ITGA3: variants seen among roughly 807,000 people sequenced by gnomAD.
ITGA3 encodes the protein integrin subunit alpha 3.
A neutral mutation model predicts 131.1 loss-of-function variants in ITGA3; 70 were observed. That is an observed-to-expected ratio of 0.53 (90% CI 0.44 to 0.65). The LOEUF (loss-of-function observed/expected upper bound fraction) is 0.65. ITGA3 is among the 30% of genes least tolerant of loss of function. ITGA3 has a pLI of 0.00. For missense variants in ITGA3, 1,098 were observed against 1,388.6 expected (o/e 0.79, Z 3.33); for synonymous variants, 537 against 571.6 (o/e 0.94, Z 0.86).
chr17:50,056,372 A>G lies in ITGA3; in HGVS notation c.-68A>G, dbSNP rs1020196479. ...CCTCCGGCGGCGCGGGGAGCAGGTG[A>G]ACAGGTCCTCACGCCCAGCTCCGCG... On this transcript the variant is annotated 5_prime_UTR_variant, in exon 1 of 26. Transcript: ENST00000320031. This position sits in a 1 kb window ranked among gnomAD's most constrained non-coding sequence, Gnocchi z 5.6. 6.8e-6 allele frequency: 8 copies of G among 1,177,788 alleles called. No homozygotes were observed. Among genetic ancestry groups the G allele is most frequent in the Middle Eastern group, 3.0e-4 (1 of 3,358 alleles). The allele number at this position is 1,177,788 out of a possible 1,614,324, so 73.0% of individuals were successfully genotyped here. A position where few individuals can be genotyped will look rare whatever the true frequency, so the allele number is the denominator to read the frequency against.
At chr17:50,062,322 C>G (rs2144259910) in intron 1 of ITGA3, among the ~76,000 whole-genome samples, 1 of 152,320 alleles carries the variant, frequency 6.6e-6, no homozygotes, top group South Asian at 2.1e-4. Context: ...ACCCTAGACC[C>G]AGGTCCGTGG....
chr17:50,076,396 A>G lies in ITGA3; in HGVS notation c.1745A>G (p.Asp582Gly), dbSNP rs1309325691. 5.0e-6 allele frequency: 8 copies of G among 1,612,962 alleles called. No homozygotes were observed. The highest frequency in any genetic ancestry group is 1.7e-5 in the Admixed American group (1 of 60,000). ...MNYSLPLRMP[D>G]RPRLGLRSLD... is the part of the protein sequence containing the mutation. ...TACTCTTTACCTTTGCGGATGCCCG[A>G]TCGCCCCCGGCTGGGGCTGCGGTCC... Residue 582 changes from aspartate to glycine, a missense_variant, in exon 13 of 26, where the codon GAT becomes GGT. By Grantham distance (94) the Asp-to-Gly change is moderately conservative. Coordinates refer to ENST00000320031, the MANE Select transcript of ITGA3 (RefSeq NM_002204.4).
In ITGA3 at chr17:50,089,417, G is replaced by A. The variant is rs1372238528; in HGVS notation, c.*339G>A. On this transcript the variant is annotated 3_prime_UTR_variant, in exon 26 of 26. Coordinates refer to ENST00000320031, the MANE Select transcript of ITGA3 (RefSeq NM_002204.4). Reference sequence around the variant, plus strand: ...ACCTCGTCAAGAGCATGCACATGCTGTCTGGCCCTGGGGATCTTCCCACAG... The same window carrying A: ...ACCTCGTCAAGAGCATGCACATGCTATCTGGCCCTGGGGATCTTCCCACAG... 2 of 642,418 alleles carry A rather than the reference G, an allele frequency of 3.1e-6. No individual in the cohort carries two copies. The highest frequency in any genetic ancestry group is 1.8e-5 in the South Asian group (1 of 54,766). 39.8% of individuals were successfully genotyped at this position (642,418 alleles called of 1,614,324 possible). A position where few individuals can be genotyped will look rare whatever the true frequency, so the allele number is the denominator to read the frequency against.
chr17:50,082,196 T>G (rs1342957173), intron 23 of ITGA3, among the ~76,000 whole-genome samples: 1 of 152,036 alleles, frequency 6.6e-6, no homozygotes, highest in Non-Finnish European at 1.5e-5. Context: ...ATTTATTTAT[T>G]TATTTTTTGA....
rs1175095945 is a variant in ITGA3 at position 50,056,902 on chromosome 17, G to A, written c.206+257G>A. ...CTTTAGATCTCTCATGAGAGCGGAA[G>A]TGGGGTCCCGGTGGCTGAGTCCTCT... On this transcript the variant is annotated intron_variant, in intron 1 of 25. Transcript: ENST00000320031. The surrounding 1 kb of genome is among the most constrained non-coding windows in gnomAD (Gnocchi z 5.6). Among the ~76,000 whole-genome samples, 4 of 152,216 alleles carry A rather than the reference G, an allele frequency of 2.6e-5. No individual in the cohort carries two copies. The East Asian group carries it at 7.7e-4, about 29-fold the overall frequency.
chr17:50,060,691 C>A (rs1180680442), intron 1 of ITGA3, among the ~76,000 whole-genome samples: 2 of 152,078 alleles, frequency 1.3e-5, no homozygotes, highest in African/African-American at 2.4e-5. Flanking sequence ...CCAGTCCAGC[C>A]TGACTCCAGG....
chr17:50,080,277 C>T lies in ITGA3; in HGVS notation c.2722C>T (p.Arg908Cys), dbSNP rs1272394380. 9 of 1,610,290 alleles carry T rather than the reference C, an allele frequency of 5.6e-6. No individual in the cohort carries two copies. The highest frequency in any genetic ancestry group is 4.0e-5 in the African/African-American group (3 of 74,888). Residue 908 changes from arginine (R) to cysteine (C), a missense_variant, in exon 22 of 26, where the codon CGT becomes TGT. Arg to Cys is a radical substitution (Grantham distance 180). Coordinates refer to ENST00000320031, the MANE Select transcript of ITGA3 (RefSeq NM_002204.4). Reference sequence around the variant, plus strand: ...CCCGCCTCAGACCTGTGCCACAGGGCGTGCCCACTGTGTGTGGCTAGAGTG... The same window carrying T: ...CCCGCCTCAGACCTGTGCCACAGGGTGTGCCCACTGTGTGTGGCTAGAGTG... Reference protein sequence around the residue: ...SETVLTCATGRAHCVWLECPI... With the variant: ...SETVLTCATGCAHCVWLECPI...
rs181578395 is a variant in ITGA3, at chr17:50,090,378, C to T, written c.*1300C>T. 1.6e-5 allele frequency: 6 copies of T among 385,720 alleles called. No homozygotes were observed. The highest frequency in any genetic ancestry group is 3.3e-5 in the Non-Finnish European group (6 of 184,558). The allele number at this position is 385,720 out of a possible 1,614,324, so 23.9% of individuals were successfully genotyped here. A position where few individuals can be genotyped will look rare whatever the true frequency, so the allele number is the denominator to read the frequency against. On this transcript the variant is annotated 3_prime_UTR_variant, in exon 26 of 26. Coordinates refer to ENST00000320031, the MANE Select transcript of ITGA3 (RefSeq NM_002204.4). ...TGTTGGCAGGCCCACTCCCCAGCCC[C>T]AGCCCCTTCCATGGTACTGTAGCAG...
rs375791394 is a variant in ITGA3 at position 50,087,737 on chromosome 17, G to T, written c.2920-7G>T. 4.0e-4 allele frequency: 645 copies of T among 1,611,090 alleles called. No homozygotes were observed. The highest frequency in any genetic ancestry group is 6.8e-4 in the Middle Eastern group (4 of 5,916). On this transcript the variant is annotated splice_region_variant and splice_polypyrimidine_tract_variant and intron_variant, in intron 23 of 25. Coordinates refer to ENST00000320031, the MANE Select transcript of ITGA3 (RefSeq NM_002204.4). ...CACAGGGCTGAGTCCTCCTCTCCCC[G>T]CTCCAGTTCTCTGTGGACATTGACT...
At chr17:50,061,170 G>C (rs1030276403) in intron 1 of ITGA3, among the ~76,000 whole-genome samples, 1 of 152,202 alleles carries the variant, frequency 6.6e-6, no homozygotes, top group African/African-American at 2.4e-5. Context: ...TCTGAGGAGG[G>C]AGGGGCCTGG....
chr17:50,071,396 C>T lies in ITGA3; in HGVS notation c.837C>T (p.Gly279=), dbSNP rs145459787. Residue 279 remains glycine, a synonymous_variant, in exon 6 of 26, where the codon GGC becomes GGT. Coordinates refer to ENST00000320031, the MANE Select transcript of ITGA3 (RefSeq NM_002204.4). ...GTGCCCCACGGCACCGACATATGGGCGCGGTGTTCTTGCTGAGCCAGGAGG... is the reference window on the plus strand; with the variant it reads ...GTGCCCCACGGCACCGACATATGGGTGCGGTGTTCTTGCTGAGCCAGGAGG... The part of the protein sequence containing the change: ...VTGAPRHRHM[G]AVFLLSQEAG... 2.1e-4 allele frequency: 342 copies of T among 1,614,190 alleles called. 1 individual carries two copies. The African/African-American group carries it at 4.1e-3, about 19-fold the overall frequency.
intron 3 of ITGA3, among the ~76,000 whole-genome samples, chr17:50,066,524 G>C (rs1214293297): frequency 6.6e-6 from 1 of 152,000 alleles, no homozygotes; most frequent in East Asian, 1.9e-4. Flanking sequence ...AGGCTCGGTG[G>C]CTCATTCCTT....
chr17:50,080,451 G>T, intron 22 of ITGA3, 76 bp downstream of exon 22: 1 of 757,078 alleles, frequency 1.3e-6, no homozygotes, highest in Non-Finnish European at 2.2e-6. Flanking sequence ...GCGAGTCCAG[G>T]GTCATAGCAT....
rs1908594211 is a variant in ITGA3, at chr17:50,070,896, C to T, written c.717C>T (p.Tyr239=). The change falls in exon 5 of 26, where the codon TAC becomes TAT. Residue 239 remains tyrosine, a synonymous_variant. Coordinates refer to ENST00000320031, the MANE Select transcript of ITGA3 (RefSeq NM_002204.4). The part of the protein sequence containing the change: ...RKEWDLSEYS[Y]KDPEDQGNLY... ...AGTGGGACTTATCTGAGTATAGTTA[C>T]AAGGACCCAGAGGACCAAGGAAACC... is the stretch of plus-strand genomic sequence containing the variant. 1 of 1,611,950 alleles carries T rather than the reference C, an allele frequency of 6.2e-7. No individual in the cohort carries two copies. Among genetic ancestry groups the T allele is most frequent in the Admixed American group, 1.7e-5 (1 of 59,968 alleles).
chr17:50,060,697 C>G (rs1268154200), intron 1 of ITGA3, among the ~76,000 whole-genome samples: 1 of 152,050 alleles, frequency 6.6e-6, no homozygotes, highest in Non-Finnish European at 1.5e-5. Flanking sequence ...CAGCCTGACT[C>G]CAGGAGAGGG....
At chr17:50,065,210 T>G (rs1289364508) in intron 3 of ITGA3, 2 of 152,322 alleles carry the variant, frequency 1.3e-5, no homozygotes, top group Non-Finnish European at 2.9e-5. Flanking sequence ...AGAAGAGTTC[T>G]GGTTAAGGCT....
intron 7 of ITGA3, among the ~76,000 whole-genome samples, chr17:50,073,593 AACACAC>A (rs71146961): frequency 0.28 from 39,708 of 144,078 alleles, 6,468 homozygotes; most frequent in Non-Finnish European, 0.38. Flanking sequence ...ACTGTCTATA[AACACAC>A]ACACACACAC....
chr17:50,079,363 C>A (rs1358998920), intron 20 of ITGA3, 72 bp from the exon 21 acceptor site: 2 of 1,553,632 alleles, frequency 1.3e-6, no homozygotes, highest in Non-Finnish European at 1.7e-6. Flanking sequence ...TCTCTCCTAC[C>A]CTTTCCTTTC....
At chr17:50,068,893 G>C (rs1392764676) in intron 4 of ITGA3, among the ~76,000 whole-genome samples, 5 of 150,556 alleles carry the variant, frequency 3.3e-5, no homozygotes, top group Non-Finnish European at 1.5e-5. Context: ...TGTCACCCAG[G>C]CTGGAGTGCA....
Sources: allele counts gnomAD v4.1 joint callset (sites outside exome capture counted in the v4.1 genomes callset), GRCh38; gene constraint gnomAD v4.1.1; non-coding constraint Gnocchi (gnomAD v3.1); transcripts MANE v1.5; gene names NCBI Gene and HGNC (gene_info 2026-07-23, HGNC 2026-07-21).